The following SLC24A2 variants were observed in gnomAD, a reference collection of about 807,000 sequenced individuals.
SLC24A2 encodes the protein sodium/potassium/calcium exchanger 2.
SLC24A2 carries 36 observed loss-of-function variants against 62.0 expected under a neutral mutation model. The observed-to-expected ratio is 0.58, with a 90% confidence interval of 0.44 to 0.77. The LOEUF is 0.77. Ranked by LOEUF, SLC24A2 falls within the 30% of genes least tolerant of loss-of-function variation. The pLI is 0.00. For synonymous variants in SLC24A2, 358 were observed against 294.0 expected, an observed-to-expected ratio of 1.22 and a Z score of -2.23; for missense variants, 846 against 817.9, an observed-to-expected ratio of 1.03 and a Z score of -0.42.
intron 7 of SLC24A2, among the ~76,000 whole-genome samples, chr9:19,556,904 A>G (rs772949793): frequency 1.1e-4 from 16 of 152,216 alleles, no homozygotes; most frequent in South Asian, 2.1e-4. Flanking sequence ...TTCTTACTCA[A>G]TTAATCATAT....
At chr9:19,781,805 T>A (rs966876422) in intron 2 of SLC24A2, among the ~76,000 whole-genome samples, 1 of 152,172 alleles carries the variant, frequency 6.6e-6, no homozygotes, top group African/African-American at 2.4e-5. Flanking sequence ...ATTTTACTAA[T>A]TAATAAATTC....
the SLC24A2 span, among the ~76,000 whole-genome samples, chr9:20,102,258 G>T: frequency 1.1e-4 from 16 of 152,088 alleles, no homozygotes; most frequent in Admixed American, 1.0e-3. Context: ...TCTAGGCAGA[G>T]ATATGAGTAA....
the SLC24A2 span, among the ~76,000 whole-genome samples, chr9:19,948,849 A>G: frequency 7.0e-6 from 1 of 142,586 alleles, no homozygotes; most frequent in Non-Finnish European, 1.5e-5. Context: ...CGTCTCAAAA[A>G]AAAAAAAAAA....
chr9:19,999,113 C>G, the SLC24A2 span, among the ~76,000 whole-genome samples: 1 of 152,212 alleles, frequency 6.6e-6, no homozygotes, highest in East Asian at 1.9e-4. Flanking sequence ...CTAATGCCTA[C>G]CCACTGGGGC....
chr9:19,531,009 A>C (rs1833682107), intron 8 of SLC24A2, among the ~76,000 whole-genome samples: 1 of 152,144 alleles, frequency 6.6e-6, no homozygotes, highest in Non-Finnish European at 1.5e-5. Flanking sequence ...AATGATCATG[A>C]TCATGATCAT....
chr9:20,284,492 T>C, the SLC24A2 span, among the ~76,000 whole-genome samples: 2 of 151,164 alleles, frequency 1.3e-5, no homozygotes, highest in Admixed American at 6.6e-5. Flanking sequence ...ATGTCATAGT[T>C]CAACCCCTCA....
the SLC24A2 span, among the ~76,000 whole-genome samples, chr9:20,215,835 C>A: frequency 6.6e-6 from 1 of 151,664 alleles, no homozygotes; most frequent in Non-Finnish European, 1.5e-5. Context: ...ATGTTTGGTC[C>A]AAGGAGTGAG....
At chr9:19,709,928 T>C (rs920700428) in intron 2 of SLC24A2, among the ~76,000 whole-genome samples, 1 of 151,782 alleles carries the variant, frequency 6.6e-6, no homozygotes, top group African/African-American at 2.4e-5. Flanking sequence ...AAAAAAGAAA[T>C]GAAGGACCTT....
At chr9:19,828,773 G>C in the SLC24A2 span, among the ~76,000 whole-genome samples, 24 of 152,300 alleles carry the variant, frequency 1.6e-4, 1 homozygote, top group South Asian at 4.6e-3. Flanking sequence ...GGTAAGTGGA[G>C]GGGAGGAGAT....
Position 19,511,355 on chromosome 9 carries a change from T to C in SLC24A2, c.*4798A>G, listed in dbSNP as rs1179166720. 3 of 152,140 alleles carry C rather than the reference T, an allele frequency of 2.0e-5. No individual in the cohort carries two copies. Among genetic ancestry groups the C allele is most frequent in the South Asian group, 2.1e-4 (1 of 4,834 alleles). The allele number at this position is 152,140 out of a possible 1,614,324, so 9.4% of individuals were successfully genotyped here. A position where few individuals can be genotyped will look rare whatever the true frequency, so the allele number is the denominator to read the frequency against. ...AAGGTGGAATAGGGCAGGGTTACTT[T>C]TCTTACCCAAGGTCTTCCTGAGATT... On this transcript the variant is annotated 3_prime_UTR_variant, in exon 11 of 11. Transcript: ENST00000341998.
At chr9:19,937,262 A>G in the SLC24A2 span, among the ~76,000 whole-genome samples, 3 of 152,210 alleles carry the variant, frequency 2.0e-5, no homozygotes, top group African/African-American at 7.2e-5. Context: ...AAAATATCAG[A>G]ATGAAATTTC....
At position 19,732,637 on chromosome 9, in the gene SLC24A2, G is replaced by A. The variant is rs112654409; in HGVS notation, c.930+53300C>T. Among the ~76,000 whole-genome samples, 388 of 152,158 alleles carry A rather than the reference G, an allele frequency of 2.5e-3. 3 individuals are homozygous for A. Among genetic ancestry groups the A allele is most frequent in the African/African-American group, 8.9e-3 (369 of 41,514 alleles). On this transcript the variant is annotated intron_variant, in intron 2 of 10. Transcript: ENST00000341998. Reference sequence around the variant, plus strand: ...TCATACATTAGTATATAATCCTAACGTCGCAATCTGAGAGCTACCTCTCCC... The same window carrying A: ...TCATACATTAGTATATAATCCTAACATCGCAATCTGAGAGCTACCTCTCCC...
chr9:19,847,531 A>T, the SLC24A2 span, among the ~76,000 whole-genome samples: 2,279 of 152,322 alleles, frequency 0.015, 32 homozygotes, highest in Non-Finnish European at 0.024. Context: ...TAGTGTTTAC[A>T]TATATGGGTT....
chr9:19,777,651 T>C (rs10964281), intron 2 of SLC24A2, among the ~76,000 whole-genome samples: 9,579 of 152,150 alleles, frequency 0.063, 355 homozygotes, highest in East Asian at 0.12. Flanking sequence ...ATGGTAAATA[T>C]AAAATTTTGT....
chr9:19,695,250 A>G (rs1259266152), intron 2 of SLC24A2, among the ~76,000 whole-genome samples: 1 of 152,110 alleles, frequency 6.6e-6, no homozygotes, highest in African/African-American at 2.4e-5. Flanking sequence ...AAATGTCAGT[A>G]GTGCCACTGT....
chr9:20,204,742 C>CTTT, the SLC24A2 span, among the ~76,000 whole-genome samples: 23 of 132,234 alleles, frequency 1.7e-4, no homozygotes, highest in African/African-American at 3.8e-4. Context: ...AAAAGTATAA[C>CTTT]TTTTTTTTTT....
At chr9:20,121,464 T>C in the SLC24A2 span, among the ~76,000 whole-genome samples, 1 of 152,178 alleles carries the variant, frequency 6.6e-6, no homozygotes, top group African/African-American at 2.4e-5. Flanking sequence ...ATGTGCATAA[T>C]GTTATTTAAC....
the SLC24A2 span, among the ~76,000 whole-genome samples, chr9:20,263,275 C>A: frequency 6.6e-6 from 1 of 152,126 alleles, no homozygotes; most frequent in Non-Finnish European, 1.5e-5. Context: ...GGGGGTGAGA[C>A]AGGATCTCAC....
chr9:19,893,648 T>C, the SLC24A2 span, among the ~76,000 whole-genome samples: 1 of 152,180 alleles, frequency 6.6e-6, no homozygotes, highest in South Asian at 2.1e-4. Flanking sequence ...TTTTTATATA[T>C]AGGAGGAAAC....
Sources: gnomAD v4.1 joint callset for allele counts (sites outside exome capture counted in the v4.1 genomes callset) on GRCh38, gnomAD v4.1.1 for gene constraint, MANE v1.5 for transcripts, NCBI Gene and HGNC (gene_info 2026-07-23, HGNC 2026-07-21) for gene names.